TNR: variants seen among roughly 807,000 people sequenced by gnomAD.
The protein encoded by TNR is tenascin R.
A neutral mutation model predicts 150.4 loss-of-function variants in TNR; 45 were observed. The observed-to-expected ratio is 0.30, with a 90% CI of 0.24 to 0.38. The LOEUF is 0.38. Among genes scored for constraint, TNR ranks in the 10% least tolerant of loss-of-function variants. The pLI, the probability that TNR is intolerant of heterozygous loss-of-function variation, is 1.00. For synonymous variants in TNR, 687 were observed against 678.4 expected, an observed-to-expected ratio of 1.01 and a Z score of -0.20; for missense variants, 1,544 against 1,759.1, an observed-to-expected ratio of 0.88 and a Z score of 2.19.
intron 2 of TNR, among the ~76,000 whole-genome samples, chr1:175,498,614 GT>G (rs1327757451): frequency 6.6e-6 from 1 of 152,164 alleles, no homozygotes; most frequent in Non-Finnish European, 1.5e-5. Flanking sequence ...CTATTCTTGT[GT>G]TTTTCTTCCT....
chr1:175,612,826 T>C (rs1403400490), intron 1 of TNR, among the ~76,000 whole-genome samples: 1 of 152,202 alleles, frequency 6.6e-6, no homozygotes, highest in Non-Finnish European at 1.5e-5. Context: ...AATATTCTTT[T>C]TCCATTAGTG....
intron 1 of TNR, among the ~76,000 whole-genome samples, chr1:175,529,139 A>G (rs1659967483): frequency 2.0e-5 from 3 of 152,194 alleles, no homozygotes; most frequent in Admixed American, 1.3e-4. Flanking sequence ...AAGTGTCAAC[A>G]CAGTTGGTGG....
intron 1 of TNR, among the ~76,000 whole-genome samples, chr1:175,713,371 G>T (rs143840661): frequency 1.3e-5 from 2 of 152,066 alleles, no homozygotes; most frequent in Admixed American, 1.3e-4. Context: ...CATTTATCGG[G>T]CATACTTGCA....
intron 2 of TNR, among the ~76,000 whole-genome samples, chr1:175,475,467 G>A (rs1266764895): frequency 6.6e-6 from 1 of 152,126 alleles, no homozygotes; most frequent in East Asian, 1.9e-4. Context: ...TGGCACAAAA[G>A]GGTCCTTAAA....
intron 1 of TNR, among the ~76,000 whole-genome samples, chr1:175,696,228 T>TTTG (rs1558077874): frequency 0.01 from 1,232 of 120,926 alleles, 30 homozygotes; most frequent in African/African-American, 0.032. Context: ...TTTTTTTTTT[T>TTTG]TTTTTTTTTT....
intron 9 of TNR, among the ~76,000 whole-genome samples, chr1:175,373,880 T>C (rs1652241027): frequency 6.6e-6 from 1 of 152,192 alleles, no homozygotes; most frequent in Admixed American, 6.5e-5. Context: ...GAAGCCTTTG[T>C]CCTTTCTTTC....
chr1:175,581,349 A>G (rs1365187432), intron 1 of TNR, among the ~76,000 whole-genome samples: 1 of 152,174 alleles, frequency 6.6e-6, no homozygotes, highest in Admixed American at 6.5e-5. Context: ...AGAGGACTAA[A>G]TCCTTTCTTG....
At chr1:175,712,936 T>C (rs575509223) in intron 1 of TNR, among the ~76,000 whole-genome samples, 35 of 152,144 alleles carry the variant, frequency 2.3e-4, no homozygotes, top group African/African-American at 7.9e-4. Context: ...AGTGGGGGCA[T>C]AAAGAAAAAG....
At chr1:175,384,721 T>C (rs7527232) in intron 8 of TNR, among the ~76,000 whole-genome samples, 3,967 of 152,292 alleles carry the variant, frequency 0.026, 162 homozygotes, top group African/African-American at 0.09. Context: ...CACCTACTTG[T>C]TCCTCTATGC....
At chr1:175,530,602 C>T (rs1660024083) in intron 1 of TNR, among the ~76,000 whole-genome samples, 1 of 152,176 alleles carries the variant, frequency 6.6e-6, no homozygotes, top group Non-Finnish European at 1.5e-5. Flanking sequence ...AACTGAAATA[C>T]TCTGCAACTT....
intron 8 of TNR, among the ~76,000 whole-genome samples, chr1:175,382,161 T>G (rs1291723530): frequency 6.6e-6 from 1 of 152,240 alleles, no homozygotes; most frequent in Non-Finnish European, 1.5e-5. Context: ...TTCTTCTGCC[T>G]TGTCCAGTTT....
intron 2 of TNR, among the ~76,000 whole-genome samples, chr1:175,424,747 C>T (rs751944384): frequency 6.6e-5 from 10 of 152,188 alleles, no homozygotes; most frequent in Non-Finnish European, 1.5e-4. Flanking sequence ...GCTTCCCATT[C>T]TCTACCCAGC....
intron 8 of TNR, among the ~76,000 whole-genome samples, chr1:175,381,303 G>C (rs540934230): frequency 2.0e-5 from 3 of 152,280 alleles, no homozygotes; most frequent in East Asian, 3.9e-4. Context: ...AATTAATTTA[G>C]GTTTAGGGTT....
Position 175,543,505 on chromosome 1 carries a change from C to T in TNR, c.-164-15136G>A, listed in dbSNP as rs75734993. 9.9e-5 allele frequency among the ~76,000 whole-genome samples: 15 copies of T among 152,238 alleles called. No homozygotes were observed. The East Asian group carries it at 1.7e-3, about 18-fold the overall frequency. On this transcript the variant is annotated intron_variant, in intron 1 of 22. Coordinates refer to ENST00000367674, the MANE Select transcript of TNR (RefSeq NM_003285.3). ...GAGAGCAGCCAGAGAGTAAAACTGA[C>T]AAGTAGAAAAACCTGACCACTGAGC...
chr1:175,579,134 CCCTT>C (rs1662237396), intron 1 of TNR, among the ~76,000 whole-genome samples: 1 of 141,788 alleles, frequency 7.1e-6, no homozygotes, highest in Admixed American at 7.0e-5. Context: ...CTCCCTCCCT[CCCTT>C]CCTCCTATCC....
chr1:175,435,297 G>T (rs1360149607), intron 2 of TNR, among the ~76,000 whole-genome samples: 1 of 152,140 alleles, frequency 6.6e-6, no homozygotes, highest in East Asian at 1.9e-4. Flanking sequence ...TTTGAAGGAA[G>T]AATTAATGGG....
At chr1:175,694,641 A>T (rs1666458994) in intron 1 of TNR, among the ~76,000 whole-genome samples, 1 of 152,220 alleles carries the variant, frequency 6.6e-6, no homozygotes, top group Non-Finnish European at 1.5e-5. Context: ...CCCGCCCAGT[A>T]CTTGGAATGT....
chr1:175,742,405 G>C (rs1667954989), intron 1 of TNR, among the ~76,000 whole-genome samples: 1 of 152,114 alleles, frequency 6.6e-6, no homozygotes, highest in Admixed American at 6.5e-5. Flanking sequence ...CCAGAAAACA[G>C]GGCAGAACAG....
chr1:175,690,693 C>T (rs1032500742), intron 1 of TNR, among the ~76,000 whole-genome samples: 1 of 152,204 alleles, frequency 6.6e-6, no homozygotes, highest in Non-Finnish European at 1.5e-5. Flanking sequence ...GATAACAAGT[C>T]ACTGGACTTG....
Sources: gnomAD v4.1 joint callset for allele counts (sites outside exome capture counted in the v4.1 genomes callset) on GRCh38, gnomAD v4.1.1 for gene constraint, MANE v1.5 for transcripts, NCBI Gene and HGNC (gene_info 2026-07-23, HGNC 2026-07-21) for gene names.